Variants in MACROD2 observed in about 807,000 individuals in gnomAD.
MACROD2 encodes the protein mono-ADP ribosylhydrolase 2.
A neutral mutation model predicts 70.4 loss-of-function variants in MACROD2; 36 were observed. That is an observed-to-expected ratio of 0.51 (90% CI 0.39 to 0.68). MACROD2 has a LOEUF of 0.68. Ranked by LOEUF, MACROD2 falls within the 30% of genes least tolerant of loss-of-function variation. The probability of loss-of-function intolerance (pLI) is 0.00; values close to 1 mark genes in which losing one functional copy is unlikely to be tolerated. For synonymous variants in MACROD2, 172 were observed against 178.8 expected, an observed-to-expected ratio of 0.96 and a Z score of 0.30; for missense variants, 496 against 538.4, an observed-to-expected ratio of 0.92 and a Z score of 0.78.
chr20:15,918,623 C>G (rs992751274), intron 10 of MACROD2, among the ~76,000 whole-genome samples: 1 of 152,206 alleles, frequency 6.6e-6, no homozygotes, highest in South Asian at 2.1e-4. Context: ...CCAAGATCAT[C>G]TGACATTAGT....
intron 4 of MACROD2, among the ~76,000 whole-genome samples, chr20:14,587,880 T>C (rs1274489415): frequency 1.3e-5 from 2 of 152,102 alleles, no homozygotes; most frequent in Non-Finnish European, 2.9e-5. Flanking sequence ...TATAATTCCA[T>C]GAATGTTGAC....
At chr20:14,215,478 G>T (rs1232401252) in intron 3 of MACROD2, among the ~76,000 whole-genome samples, 1 of 151,868 alleles carries the variant, frequency 6.6e-6, no homozygotes. Context: ...ACATGTTTAA[G>T]TATCTTTTTC....
At chr20:14,224,482 C>T (rs934710604) in intron 3 of MACROD2, among the ~76,000 whole-genome samples, 2 of 152,214 alleles carry the variant, frequency 1.3e-5, no homozygotes, top group African/African-American at 4.8e-5. Context: ...TCCCAGCCTA[C>T]TTCAGTCTTC....
chr20:14,076,458 C>G lies in MACROD2; in HGVS notation c.164-9163C>G, dbSNP rs973212794. On this transcript the variant is annotated intron_variant, in intron 2 of 17. Transcript: ENST00000684519. Reference sequence around the variant, plus strand: ...TTGAACTCAGGAGTTCAAAATCAGTCTGGGCAACATGGTGAAACCCATCTC... The same window carrying G: ...TTGAACTCAGGAGTTCAAAATCAGTGTGGGCAACATGGTGAAACCCATCTC... Among the ~76,000 whole-genome samples, 10 of 151,886 alleles carry G rather than the reference C, an allele frequency of 6.6e-5. No individual in the cohort carries two copies. In the Middle Eastern group the frequency reaches 9.5e-3, roughly 144 times the overall value.
chr20:14,223,500 T>G (rs956659306), intron 3 of MACROD2, among the ~76,000 whole-genome samples: 3 of 126,008 alleles, frequency 2.4e-5, no homozygotes, highest in African/African-American at 8.9e-5. Context: ...GCAGCTCCTC[T>G]AAATTCTTTT....
chr20:16,029,094 G>A (rs536206409), intron 15 of MACROD2, among the ~76,000 whole-genome samples: 2 of 152,210 alleles, frequency 1.3e-5, no homozygotes, highest in Non-Finnish European at 2.9e-5. Context: ...CCGTGTCCTC[G>A]CATGGCAGAG....
At chr20:15,273,490 T>C (rs1422518678) in intron 6 of MACROD2, among the ~76,000 whole-genome samples, 2 of 152,040 alleles carry the variant, frequency 1.3e-5, no homozygotes, top group African/African-American at 2.4e-5. Context: ...CTAATACACC[T>C]ACCCAAGCTA....
chr20:14,466,358 T>A (rs890578559), intron 3 of MACROD2, among the ~76,000 whole-genome samples: 1 of 152,150 alleles, frequency 6.6e-6, no homozygotes, highest in Non-Finnish European at 1.5e-5. Flanking sequence ...TGTCACGTAG[T>A]TTTTGTGCCT....
intron 3 of MACROD2, among the ~76,000 whole-genome samples, chr20:14,490,284 T>C (rs76391310): frequency 0.012 from 1,762 of 152,310 alleles, 32 homozygotes; most frequent in African/African-American, 0.04. Context: ...TGGAAATCAA[T>C]TCTCCATATT....
At chr20:15,673,792 A>AG (rs1333889797) in intron 8 of MACROD2, among the ~76,000 whole-genome samples, 1 of 148,450 alleles carries the variant, frequency 6.7e-6, no homozygotes, top group African/African-American at 2.5e-5. Context: ...AAAAAAAAAA[A>AG]AAACAGCCCT....
At chr20:14,110,550 A>G (rs2054435687) in intron 3 of MACROD2, among the ~76,000 whole-genome samples, 1 of 152,090 alleles carries the variant, frequency 6.6e-6, no homozygotes, top group Non-Finnish European at 1.5e-5. Flanking sequence ...ATACAAAATC[A>G]GCATAGAAAA....
chr20:14,452,758 TGTC>T (rs1399259480), intron 3 of MACROD2, among the ~76,000 whole-genome samples: 1 of 152,154 alleles, frequency 6.6e-6, no homozygotes, highest in Non-Finnish European at 1.5e-5. Context: ...CCGAATAGCT[TGTC>T]TTTTGTTCAA....
intron 5 of MACROD2, among the ~76,000 whole-genome samples, chr20:14,763,562 G>A (rs1417144073): frequency 1.3e-5 from 2 of 152,122 alleles, no homozygotes; most frequent in Non-Finnish European, 2.9e-5. Context: ...ATGACTGACA[G>A]TAAAAGAAGA....
intron 15 of MACROD2, among the ~76,000 whole-genome samples, chr20:16,013,321 A>G (rs757513439): frequency 1.3e-5 from 2 of 152,212 alleles, no homozygotes; most frequent in Non-Finnish European, 2.9e-5. Context: ...ATAGCAACCC[A>G]ATTCCATGTG....
At chr20:15,403,275 G>C (rs923038771) in intron 6 of MACROD2, among the ~76,000 whole-genome samples, 4 of 152,056 alleles carry the variant, frequency 2.6e-5, no homozygotes, top group Admixed American at 6.5e-5. Context: ...ACCTTAAGAA[G>C]TTTTTAATAC....
intron 8 of MACROD2, among the ~76,000 whole-genome samples, chr20:15,610,505 C>A (rs1462398989): frequency 6.6e-6 from 1 of 152,138 alleles, no homozygotes; most frequent in Non-Finnish European, 1.5e-5. Flanking sequence ...GTTTCTTCTC[C>A]TTTTCTTTCT....
intron 2 of MACROD2, among the ~76,000 whole-genome samples, chr20:14,005,536 T>G (rs533092823): frequency 6.6e-6 from 1 of 152,116 alleles, no homozygotes; most frequent in Non-Finnish European, 1.5e-5. Context: ...TGGTGGGGCT[T>G]AATCGTAAGT....
chr20:14,362,185 TTAA>T (rs1288252566), intron 3 of MACROD2, among the ~76,000 whole-genome samples: 1 of 152,318 alleles, frequency 6.6e-6, no homozygotes, highest in African/African-American at 2.4e-5. Context: ...ATATCATATG[TTAA>T]TAATAATAAC....
intron 8 of MACROD2, among the ~76,000 whole-genome samples, chr20:15,529,723 C>T (rs964202156): frequency 3.9e-5 from 6 of 152,140 alleles, no homozygotes; most frequent in Admixed American, 1.3e-4. Context: ...AGATGTTTGA[C>T]ACAGTAGAAT....
Sources: gnomAD v4.1 joint callset for allele counts (sites outside exome capture counted in the v4.1 genomes callset) on GRCh38, gnomAD v4.1.1 for gene constraint, MANE v1.5 for transcripts, NCBI Gene and HGNC (gene_info 2026-07-23, HGNC 2026-07-21) for gene names.